The following KCNB2 variants were observed in gnomAD, a reference collection of about 807,000 sequenced individuals.
KCNB2 encodes potassium voltage-gated channel subfamily B member 2.
KCNB2 carries 15 observed loss-of-function variants against 61.5 expected under a neutral mutation model. The observed-to-expected ratio is 0.24, with a 90% CI of 0.16 to 0.38. The LOEUF is 0.38. Among genes scored for constraint, KCNB2 ranks in the 10% least tolerant of loss-of-function variants. The pLI, the probability that KCNB2 is intolerant of heterozygous loss-of-function variation, is 1.00. For synonymous variants in KCNB2, 457 were observed against 446.0 expected (o/e 1.02, Z -0.31); for missense variants, 828 against 1,125.2 (o/e 0.74, Z 3.78).
chr8:72,714,377 A>T (rs1389149474), intron 2 of KCNB2, among the ~76,000 whole-genome samples: 1 of 152,194 alleles, frequency 6.6e-6, no homozygotes, highest in Admixed American at 6.5e-5. Context: ...CCAAAGTTGA[A>T]ATGAAGGAAA....
At chr8:72,901,536 C>A (rs1418964188) in intron 2 of KCNB2, among the ~76,000 whole-genome samples, 1 of 151,974 alleles carries the variant, frequency 6.6e-6, no homozygotes, top group Non-Finnish European at 1.5e-5. Flanking sequence ...CCAAAGATCA[C>A]TCCACTATAA....
intron 2 of KCNB2, among the ~76,000 whole-genome samples, chr8:72,688,253 C>T (rs1440424449): frequency 1.3e-5 from 2 of 152,088 alleles, no homozygotes; most frequent in African/African-American, 4.8e-5. Flanking sequence ...AATCCGAGAG[C>T]CCTTTTGAGC....
Position 72,765,866 on chromosome 8 carries a change from G to T in KCNB2, c.580-170069G>T, listed in dbSNP as rs1035260663. Among the ~76,000 whole-genome samples the T allele has an allele frequency of 3.3e-5, 5 of 152,316 alleles. No homozygotes were observed. The South Asian group carries it at 6.2e-4, about 19-fold the overall frequency. On this transcript the variant is annotated intron_variant, in intron 2 of 2. Coordinates refer to ENST00000523207, the MANE Select transcript of KCNB2 (RefSeq NM_004770.3). ...AATTTTTAACGCATTACAAAGTGAT[G>T]TTGATTGCTGCTGCCCTGGAAACCA...
intron 2 of KCNB2, among the ~76,000 whole-genome samples, chr8:72,698,104 A>G (rs1341910911): frequency 2.6e-5 from 4 of 152,180 alleles, no homozygotes; most frequent in African/African-American, 9.6e-5. Context: ...ATACCTAGTA[A>G]ACCTTAAAGA....
At chr8:72,859,754 T>C (rs1277301804) in intron 2 of KCNB2, among the ~76,000 whole-genome samples, 1 of 146,606 alleles carries the variant, frequency 6.8e-6, no homozygotes, top group East Asian at 2.1e-4. Flanking sequence ...AGTTTCGCTC[T>C]TGTTGCCCAG....
intron 2 of KCNB2, among the ~76,000 whole-genome samples, chr8:72,615,206 A>G (rs1044964626): frequency 6.6e-6 from 1 of 152,212 alleles, no homozygotes. Flanking sequence ...TTTTCTCTGA[A>G]TCTAGGTTCC....
chr8:72,787,694 A>C (rs1050946303), intron 2 of KCNB2, among the ~76,000 whole-genome samples: 1 of 152,152 alleles, frequency 6.6e-6, no homozygotes, highest in African/African-American at 2.4e-5. Context: ...CAGAATTCTA[A>C]CTGTCTATAT....
intron 2 of KCNB2, among the ~76,000 whole-genome samples, chr8:72,668,405 C>T (rs1207723037): frequency 6.6e-6 from 1 of 152,140 alleles, no homozygotes; most frequent in African/African-American, 2.4e-5. Context: ...GACAAAGACA[C>T]CACTATCAGG....
intron 2 of KCNB2, among the ~76,000 whole-genome samples, chr8:72,680,953 T>G (rs974976066): frequency 6.6e-6 from 1 of 152,146 alleles, no homozygotes; most frequent in African/African-American, 2.4e-5. Context: ...GTGTCCGATA[T>G]GTGCTCACAA....
intron 2 of KCNB2, among the ~76,000 whole-genome samples, chr8:72,692,673 C>T (rs1806957534): frequency 6.6e-6 from 1 of 151,902 alleles, no homozygotes; most frequent in African/African-American, 2.4e-5. Context: ...TTATATAAGA[C>T]AGCTTTTATA....
intron 1 of KCNB2, among the ~76,000 whole-genome samples, chr8:72,566,517 T>C (rs113291216): frequency 1.4e-5 from 2 of 143,966 alleles, no homozygotes; most frequent in African/African-American, 2.6e-5. Context: ...CTGGGAAATA[T>C]AGTGAGACCC....
intron 2 of KCNB2, among the ~76,000 whole-genome samples, chr8:72,907,101 G>A (rs1806192275): frequency 6.6e-6 from 1 of 152,172 alleles, no homozygotes; most frequent in Non-Finnish European, 1.5e-5. Context: ...GCGCACACCT[G>A]TAATCCCAGC....
At chr8:72,834,202 C>T (rs982072831) in intron 2 of KCNB2, among the ~76,000 whole-genome samples, 20 of 152,010 alleles carry the variant, frequency 1.3e-4, no homozygotes. Flanking sequence ...CCTTAGTGTC[C>T]TTAACTTCCT....
chr8:72,652,829 C>G (rs1806233557), intron 2 of KCNB2, among the ~76,000 whole-genome samples: 1 of 152,148 alleles, frequency 6.6e-6, no homozygotes, highest in Non-Finnish European at 1.5e-5. Context: ...GCTGCCCTCA[C>G]AAATTACCAC....
chr8:72,790,020 A>T (rs2128998616), intron 2 of KCNB2, among the ~76,000 whole-genome samples: 1 of 152,304 alleles, frequency 6.6e-6, no homozygotes, highest in East Asian at 1.9e-4. Context: ...GTGAAATATG[A>T]TGCTCAGAAG....
At chr8:72,852,803 C>T (rs58605861) in intron 2 of KCNB2, among the ~76,000 whole-genome samples, 22,958 of 152,148 alleles carry the variant, frequency 0.15, 2,366 homozygotes, top group African/African-American at 0.29. Context: ...GTAACTTTTT[C>T]GTAATGTGGA....
At chr8:72,906,443 A>C (rs1424372267) in intron 2 of KCNB2, among the ~76,000 whole-genome samples, 1 of 152,208 alleles carries the variant, frequency 6.6e-6, no homozygotes, top group East Asian at 1.9e-4. Context: ...ATTTTGAAAA[A>C]AGTATTTATT....
At position 72,938,168 on chromosome 8, in the gene KCNB2, C is replaced by A; in HGVS notation, c.*77C>A. 2 of 1,201,948 alleles carry A rather than the reference C, an allele frequency of 1.7e-6. No homozygotes were observed. The highest frequency in any genetic ancestry group is 2.4e-6 in the Non-Finnish European group (2 of 849,528). The allele number at this position is 1,201,948 out of a possible 1,614,324, so 74.5% of individuals were successfully genotyped here. ...TTCTTAAAAATGCGGTTAATAATGC[C>A]TGTGAACTAAAAAAATGGGAAGCCC... On this transcript the variant is annotated 3_prime_UTR_variant, in exon 3 of 3. Transcript: ENST00000523207.
chr8:72,619,248 G>T, intron 2 of KCNB2: 1 of 610,220 alleles, frequency 1.6e-6, no homozygotes, highest in Non-Finnish European at 3.2e-6. Flanking sequence ...TTTCAAGGGC[G>T]ATGTGCTGTC....
Sources: gnomAD v4.1 joint callset for allele counts (sites outside exome capture counted in the v4.1 genomes callset) on GRCh38, gnomAD v4.1.1 for gene constraint, MANE v1.5 for transcripts, NCBI Gene and HGNC (gene_info 2026-07-23, HGNC 2026-07-21) for gene names.